Variants in ZNF875 observed in about 807,000 individuals in gnomAD.
ZNF875 encodes the protein zinc finger protein 875, also known as HKR1, GLI-Kruppel zinc finger family member.
Under a neutral mutation model 11.2 loss-of-function variants are expected in ZNF875, and 14 were observed. That is an observed-to-expected ratio of 1.26 (90% CI 0.83 to 1.96). The LOEUF (loss-of-function observed/expected upper bound fraction) is 1.96. Among genes scored for constraint, ZNF875 ranks in the 30% most tolerant of loss-of-function variants. The pLI is 0.00. For missense variants in ZNF875, 752 were observed against 760.4 expected (o/e 0.99, Z 0.13); for synonymous variants, 301 against 281.1 (o/e 1.07, Z -0.71).
upstream of ZNF875, among the ~76,000 whole-genome samples, chr19:37,330,957 C>T (rs1307581493): frequency 6.6e-6 from 1 of 151,882 alleles, no homozygotes; most frequent in African/African-American, 2.4e-5. Flanking sequence ...GAGGCTGAGG[C>T]GGGTGGATCA....
intron 4 of ZNF875, 27 bp from the exon 5 acceptor site, chr19:37,362,082 C>T: frequency 1.9e-6 from 3 of 1,554,304 alleles, no homozygotes; most frequent in Non-Finnish European, 2.6e-6. Context: ...ACCTATGGCC[C>T]CTCTGAAAAT....
chr19:37,351,062 C>A (rs1219324058), intron 4 of ZNF875, among the ~76,000 whole-genome samples: 1 of 152,104 alleles, frequency 6.6e-6, no homozygotes, highest in Non-Finnish European at 1.5e-5. Context: ...CCTCGGCCTC[C>A]CAAAGTGCTG....
intron 4 of ZNF875, among the ~76,000 whole-genome samples, chr19:37,327,297 A>AT (rs2032635520): frequency 6.6e-6 from 1 of 152,090 alleles, no homozygotes; most frequent in Non-Finnish European, 1.5e-5. Context: ...CTGGCCAGGA[A>AT]ACTTATTTCA....
chr19:37,338,695 A>C (rs910179613), intron 2 of ZNF875, among the ~76,000 whole-genome samples: 1 of 152,272 alleles, frequency 6.6e-6, no homozygotes, highest in Non-Finnish European at 1.5e-5. Context: ...CCTAGCACAC[A>C]TGAAATGTTT....
intron 1 of ZNF875, 56 bp downstream of exon 1, chr19:37,334,838 A>T: frequency 4.4e-6 from 2 of 459,554 alleles, no homozygotes; most frequent in South Asian, 1.6e-5. Context: ...TGTTACGGGG[A>T]CGCCGGCTGG....
At chr19:37,361,931 AAC>A in intron 4 of ZNF875, 176 bp from the exon 5 acceptor site, 1 of 571,322 alleles carries the variant, frequency 1.8e-6, no homozygotes. Context: ...AAAACAAAAA[AAC>A]AAAAGAAAGT....
chr19:37,356,076 A>G (rs1490561361), intron 4 of ZNF875, among the ~76,000 whole-genome samples: 1 of 152,234 alleles, frequency 6.6e-6, no homozygotes, highest in African/African-American at 2.4e-5. Flanking sequence ...GATGGCCTCT[A>G]GCTGCATCCA....
At chr19:37,346,732 G>A (rs73629646) in intron 2 of ZNF875, 2,542 of 191,368 alleles carry the variant, frequency 0.013, 66 homozygotes, top group African/African-American at 0.057. Context: ...TAAGTAACAG[G>A]TGCATAAATG....
chr19:37,335,229 C>T lies in ZNF875; in HGVS notation c.5C>T (p.Ala2Val). 1.4e-6 allele frequency: 1 copy of T among 702,374 alleles called. No individual in the cohort carries two copies. The highest frequency in any genetic ancestry group is 2.6e-6 in the Non-Finnish European group (1 of 384,540). The allele number at this position is 702,374 out of a possible 1,614,324, so 43.5% of individuals were successfully genotyped here. The stretch of plus-strand genomic sequence containing the variant: ...AGCACTCAGGAGACCAGGAAAATGG[C>T]CACAGGGCTCCTGAGAGCCAAAAAA... M[A>V]TGLLRAKKEA... Residue 2 changes from alanine to valine, a missense_variant, in exon 2 of 5, where the codon GCC (alanine) becomes GTC (valine). Ala to Val is a moderately conservative substitution (Grantham distance 64, BLOSUM62 0). Transcript: ENST00000392153.
At chr19:37,345,719 C>T (rs2036630210) in intron 2 of ZNF875, among the ~76,000 whole-genome samples, 2 of 152,146 alleles carry the variant, frequency 1.3e-5, no homozygotes, top group Non-Finnish European at 2.9e-5. Context: ...AATCTTCCAA[C>T]ATTTAATTGA....
intron 1 of ZNF875, among the ~76,000 whole-genome samples, chr19:37,320,225 T>A (rs1209329564): frequency 6.6e-6 from 1 of 152,164 alleles, no homozygotes; most frequent in Non-Finnish European, 1.5e-5. Context: ...TTAGGGCCCA[T>A]GAGAAGGGCC....
At chr19:37,322,922 GCCCACCT>G (rs1182455587) in intron 2 of ZNF875, among the ~76,000 whole-genome samples, 2 of 152,018 alleles carry the variant, frequency 1.3e-5, no homozygotes, top group Non-Finnish European at 2.9e-5. Flanking sequence ...AAAGCCTAAT[GCCCACCT>G]CCCACCTCCA....
chr19:37,329,682 C>G (rs148739260), upstream of ZNF875, among the ~76,000 whole-genome samples: 2 of 152,308 alleles, frequency 1.3e-5, no homozygotes, highest in East Asian at 3.9e-4. Flanking sequence ...TACCTGAACA[C>G]GTATTAAATA....
In ZNF875 at chr19:37,362,917, C is replaced by G. The variant is rs377016498; in HGVS notation, c.1065C>G (p.Thr355=). Residue 355 remains threonine, a synonymous_variant, in exon 5 of 5, where the codon ACC becomes ACG. Transcript: ENST00000392153. ...QSFSLKSNLI[T]HQRAHTGEKP... ...TTAGCCTGAAGTCAAACCTCATTAC[C>G]CACCAGAGGGCGCACACTGGGGAGA... The G allele has an allele frequency of 6.2e-7, 1 of 1,609,766 alleles. No homozygotes were observed. The highest frequency in any genetic ancestry group is 8.5e-7 in the Non-Finnish European group (1 of 1,178,880).
Position 37,347,791 on chromosome 19 carries a change from A to T in ZNF875, c.175A>T (p.Lys59Ter). 6.2e-7 allele frequency: 1 copy of T among 1,612,288 alleles called. No homozygotes were observed. The highest frequency in any genetic ancestry group is 1.1e-5 in the South Asian group (1 of 91,038). Residue 59 changes from lysine (K) to a stop codon, truncating the protein, a stop_gained, in exon 4 of 5, where the codon AAA becomes TAA. Transcript: ENST00000392153. LOFTEE classifies it high-confidence loss of function. ...HLVSLEIPSS[K>*]PKLIAQLERG... ...CCTATGAACAGAAATTCCATCTTCT[A>T]AACCAAAACTCATTGCTCAGCTGGA...
chr19:37,338,677 C>G lies in ZNF875; in HGVS notation c.33+3420C>G, dbSNP rs150441098. Among the ~76,000 whole-genome samples, 117 of 152,356 alleles carry G rather than the reference C, an allele frequency of 7.7e-4. No individual in the cohort carries two copies. In the East Asian group the frequency reaches 0.016, roughly 21 times the overall value. ...GTTGTTTAAGATGAAACCTCTGTGT[C>G]TCTCATGCCTAGCACACATGAAATG... is the stretch of plus-strand genomic sequence containing the variant. On this transcript the variant is annotated intron_variant, in intron 2 of 4. Transcript: ENST00000392153.
upstream of ZNF875, chr19:37,315,264 T>C (rs1178812053): frequency 6.6e-6 from 1 of 152,322 alleles, no homozygotes; most frequent in East Asian, 1.9e-4. Flanking sequence ...ATTTTGAAAC[T>C]TCACTCCAAA....
chr19:37,319,369 A>ATATATATATATATATG (rs56256521), intron 1 of ZNF875, among the ~76,000 whole-genome samples: 1 of 139,958 alleles, frequency 7.1e-6, no homozygotes, highest in South Asian at 2.3e-4. Context: ...ATATATATAT[A>ATATATATATATATATG]ATAAAAATGG....
At chr19:37,357,801 G>A (rs1422448702) in intron 4 of ZNF875, among the ~76,000 whole-genome samples, 1 of 151,906 alleles carries the variant, frequency 6.6e-6, no homozygotes, top group Admixed American at 6.6e-5. Flanking sequence ...GGATTTTCTA[G>A]GTAAAGGATT....
Sources: allele counts gnomAD v4.1 joint callset (sites outside exome capture counted in the v4.1 genomes callset), GRCh38; gene constraint gnomAD v4.1.1; transcripts MANE v1.5; gene names NCBI Gene and HGNC (gene_info 2026-07-23, HGNC 2026-07-21).